The following NRG3 variants were observed in gnomAD, a reference collection of about 807,000 sequenced individuals.
NRG3 encodes the protein pro-neuregulin-3, membrane-bound isoform.
Under a neutral mutation model 66.9 loss-of-function variants are expected in NRG3, and 31 were observed. The ratio of observed to expected loss-of-function variants is 0.46; its 90% CI spans 0.35 to 0.63. The LOEUF (loss-of-function observed/expected upper bound fraction) is 0.63, where lower values mean the gene tolerates loss of function less well. NRG3 is among the 20% of genes least tolerant of loss of function. The pLI is 0.00. For synonymous variants in NRG3, 393 were observed against 359.4 expected, an observed-to-expected ratio of 1.09 and a Z score of -1.06; for missense variants, 910 against 878.9, an observed-to-expected ratio of 1.04 and a Z score of -0.45.
chr10:82,399,212 T>C (rs1324510340), intron 2 of NRG3, among the ~76,000 whole-genome samples: 1 of 152,132 alleles, frequency 6.6e-6, no homozygotes, highest in Non-Finnish European at 1.5e-5. Context: ...AAGACCAAAA[T>C]GACTACTGCT....
chr10:82,183,396 T>C (rs2073567188), intron 1 of NRG3, among the ~76,000 whole-genome samples: 1 of 152,002 alleles, frequency 6.6e-6, no homozygotes, highest in African/African-American at 2.4e-5. Flanking sequence ...TTGGGTTCGT[T>C]AACTCATATA....
At chr10:82,440,657 T>C (rs2090389530) in intron 2 of NRG3, among the ~76,000 whole-genome samples, 1 of 152,168 alleles carries the variant, frequency 6.6e-6, no homozygotes, top group Admixed American at 6.6e-5. Flanking sequence ...TTGAATCAGC[T>C]TTGAACTATG....
chr10:81,948,239 A>G (rs531064690), intron 1 of NRG3, among the ~76,000 whole-genome samples: 6 of 152,268 alleles, frequency 3.9e-5, no homozygotes, highest in Non-Finnish European at 8.8e-5. Flanking sequence ...ACATTGAGGG[A>G]AAAGCGAGAT....
chr10:82,370,213 T>G (rs2084791039), intron 2 of NRG3, among the ~76,000 whole-genome samples: 1 of 138,438 alleles, frequency 7.2e-6, no homozygotes, highest in Non-Finnish European at 1.5e-5. Flanking sequence ...ACATGCAGGC[T>G]GGAAGGATGA....
At chr10:82,401,147 G>A (rs1357576458) in intron 2 of NRG3, among the ~76,000 whole-genome samples, 3 of 152,130 alleles carry the variant, frequency 2.0e-5, no homozygotes, top group Admixed American at 2.0e-4. Flanking sequence ...AAATGAGGAT[G>A]ATTCCCAAAA....
At chr10:81,958,535 CA>C (rs767355367) in intron 1 of NRG3, among the ~76,000 whole-genome samples, 1 of 152,014 alleles carries the variant, frequency 6.6e-6, no homozygotes, top group Non-Finnish European at 1.5e-5. Context: ...CCCAAGGGAG[CA>C]AAGATTTGTT....
intron 2 of NRG3, among the ~76,000 whole-genome samples, chr10:82,677,059 T>C (rs1040897701): frequency 4.8e-5 from 7 of 147,046 alleles, no homozygotes; most frequent in African/African-American, 1.9e-4. Context: ...TCTCTCTCTC[T>C]CTCTTTTTTT....
At chr10:82,480,329 A>G (rs1447175008) in intron 2 of NRG3, among the ~76,000 whole-genome samples, 1 of 152,230 alleles carries the variant, frequency 6.6e-6, no homozygotes, top group Non-Finnish European at 1.5e-5. Context: ...TGAATTGCAC[A>G]CATTCAACAG....
chr10:82,902,678 G>T (rs1276939848), intron 4 of NRG3, among the ~76,000 whole-genome samples: 2 of 151,796 alleles, frequency 1.3e-5, no homozygotes, highest in East Asian at 1.9e-4. Context: ...AAAGAACTTT[G>T]TTTCTGTATA....
chr10:82,075,644 T>C (rs2065048271), intron 1 of NRG3, among the ~76,000 whole-genome samples: 1 of 152,144 alleles, frequency 6.6e-6, no homozygotes, highest in Non-Finnish European at 1.5e-5. Context: ...AACTACCTTA[T>C]AGCTAGATGT....
chr10:81,998,625 A>T (rs1431522492), intron 1 of NRG3, among the ~76,000 whole-genome samples: 1 of 152,158 alleles, frequency 6.6e-6, no homozygotes, highest in Non-Finnish European at 1.5e-5. Flanking sequence ...TAAAGGAATA[A>T]ATGATGCACA....
intron 1 of NRG3, among the ~76,000 whole-genome samples, chr10:81,953,675 C>A (rs995430815): frequency 6.6e-6 from 1 of 152,172 alleles, no homozygotes; most frequent in African/African-American, 2.4e-5. Flanking sequence ...TAGTTTATAG[C>A]AAACATAAAA....
chr10:82,449,979 A>C lies in NRG3; in HGVS notation c.953+91111A>C, dbSNP rs149504611. 3.2e-3 allele frequency among the ~76,000 whole-genome samples: 488 copies of C among 152,310 alleles called. 1 individual carries two copies. Among genetic ancestry groups the C allele is most frequent in the African/African-American group, 0.011 (464 of 41,580 alleles). On this transcript the variant is annotated intron_variant, in intron 2 of 8. Coordinates refer to ENST00000372141, the MANE Select transcript of NRG3 (RefSeq NM_001010848.4). ...TGGGTTTGGAAAGAAGCTCTATAAA[A>C]GTGGTTTCTGTGGATTTTGTTTGTT...
At chr10:82,320,504 C>CCT (rs768574549) in intron 1 of NRG3, among the ~76,000 whole-genome samples, 5 of 152,152 alleles carry the variant, frequency 3.3e-5, no homozygotes, top group Non-Finnish European at 5.9e-5. Flanking sequence ...TTGACCAAGT[C>CCT]ACTCCTTCAT....
At chr10:81,970,483 G>A (rs1187574157) in intron 1 of NRG3, among the ~76,000 whole-genome samples, 1 of 152,156 alleles carries the variant, frequency 6.6e-6, no homozygotes, top group Non-Finnish European at 1.5e-5. Flanking sequence ...TGGCAAAAAG[G>A]TAGTTTGCAG....
intron 4 of NRG3, among the ~76,000 whole-genome samples, chr10:82,886,771 A>T (rs1201476790): frequency 6.6e-6 from 1 of 152,184 alleles, no homozygotes; most frequent in African/African-American, 2.4e-5. Flanking sequence ...AACAGCAAGC[A>T]TTTCTTAGCT....
chr10:81,926,515 T>C (rs1846803260), intron 1 of NRG3, among the ~76,000 whole-genome samples: 1 of 152,096 alleles, frequency 6.6e-6, no homozygotes, highest in African/African-American at 2.4e-5. Flanking sequence ...TAAGATAAAA[T>C]AGAATTTAAT....
intron 4 of NRG3, among the ~76,000 whole-genome samples, chr10:82,924,225 G>A (rs986568580): frequency 2.0e-5 from 3 of 151,998 alleles, no homozygotes; most frequent in African/African-American, 7.3e-5. Context: ...GAACCCAAAA[G>A]GAGCATTGGG....
At chr10:82,630,956 T>A (rs957778734) in intron 2 of NRG3, among the ~76,000 whole-genome samples, 1 of 152,166 alleles carries the variant, frequency 6.6e-6, no homozygotes, top group African/African-American at 2.4e-5. Context: ...CCTGGGATTA[T>A]TGAGTGTGAA....
Sources: allele counts gnomAD v4.1 joint callset (sites outside exome capture counted in the v4.1 genomes callset), GRCh38; gene constraint gnomAD v4.1.1; transcripts MANE v1.5; gene names NCBI Gene and HGNC (gene_info 2026-07-23, HGNC 2026-07-21).